Variants in PI4K2B observed in about 807,000 individuals in gnomAD.
PI4K2B encodes phosphatidylinositol 4-kinase type 2-beta.
Under a neutral mutation model 56.6 loss-of-function variants are expected in PI4K2B, and 46 were observed. The observed-to-expected ratio is 0.81, with a 90% confidence interval of 0.64 to 1.04. The LOEUF (loss-of-function observed/expected upper bound fraction) is 1.04. Ranked by LOEUF, PI4K2B falls within the 50% of genes least tolerant of loss-of-function variation. PI4K2B has a pLI of 0.00. For synonymous variants in PI4K2B, 211 were observed against 223.8 expected (o/e 0.94, Z 0.51); for missense variants, 556 against 607.7 (o/e 0.91, Z 0.89).
chr4:25,256,921 G>A (rs995651802), intron 4 of PI4K2B, among the ~76,000 whole-genome samples: 1 of 150,966 alleles, frequency 6.6e-6, no homozygotes, highest in Admixed American at 6.6e-5. Flanking sequence ...TTTCCAGGAA[G>A]AGGTTGCATG....
chr4:25,238,008 C>T (rs1715340231), intron 1 of PI4K2B, among the ~76,000 whole-genome samples: 1 of 152,140 alleles, frequency 6.6e-6, no homozygotes, highest in Admixed American at 6.5e-5. Flanking sequence ...TGTTAGAATT[C>T]ACAAAGAGCT....
intron 1 of PI4K2B, among the ~76,000 whole-genome samples, chr4:25,239,210 G>A (rs187807764): frequency 6.6e-6 from 1 of 152,370 alleles, no homozygotes; most frequent in Non-Finnish European, 1.5e-5. Context: ...GCCACAGGTG[G>A]AGCTGCCTGC....
chr4:25,274,165 C>T (rs994995797), intron 9 of PI4K2B, among the ~76,000 whole-genome samples: 10 of 151,992 alleles, frequency 6.6e-5, no homozygotes, highest in Admixed American at 6.6e-5. Flanking sequence ...TTAAAATCTA[C>T]GAAAAAGTAG....
intron 1 of PI4K2B, among the ~76,000 whole-genome samples, chr4:25,236,105 TCA>T (rs1260219672): frequency 6.6e-6 from 1 of 152,142 alleles, no homozygotes; most frequent in African/African-American, 2.4e-5. Flanking sequence ...CTTACCTGTA[TCA>T]CAGTTTACAA....
intron 7 of PI4K2B, among the ~76,000 whole-genome samples, chr4:25,265,861 A>G (rs919443360): frequency 9.2e-5 from 14 of 152,336 alleles, no homozygotes; most frequent in African/African-American, 3.1e-4. Context: ...GTTGTTAGTC[A>G]TATCATATCC....
chr4:25,268,161 A>G (rs1716735009), intron 7 of PI4K2B, among the ~76,000 whole-genome samples: 1 of 152,186 alleles, frequency 6.6e-6, no homozygotes, highest in Non-Finnish European at 1.5e-5. Flanking sequence ...TGAACTGAGG[A>G]ACCAGATAGA....
At chr4:25,251,826 G>GTTATTA (rs35073171) in intron 1 of PI4K2B, among the ~76,000 whole-genome samples, 8 of 150,506 alleles carry the variant, frequency 5.3e-5, no homozygotes, top group African/African-American at 1.5e-4. Flanking sequence ...TGTTGTTGTT[G>GTTATTA]TTATTATTAT....
Position 25,236,552 on chromosome 4 carries a change from C to CA in PI4K2B, c.268+2131dup, listed in dbSNP as rs528472934. On this transcript the variant is annotated intron_variant, in intron 1 of 9. Coordinates refer to ENST00000264864, the MANE Select transcript of PI4K2B (RefSeq NM_018323.4). Reference sequence around the variant, plus strand: ...TGGGTGACAGAGTGAGACTTTGTCTCAAAAAAAAAATTAATTATTTTCACA... The same window carrying CA: ...TGGGTGACAGAGTGAGACTTTGTCTCAAAAAAAAAAATTAATTATTTTCACA... Among the ~76,000 whole-genome samples the CA allele has an allele frequency of 8.7e-4, 130 of 148,662 alleles. 2 individuals are homozygous for CA. In the South Asian group the frequency reaches 0.021, roughly 24 times the overall value.
At position 25,234,072 on chromosome 4, in the gene PI4K2B, C is replaced by T. The variant is rs1715116659; in HGVS notation, c.-92C>T. 7 of 1,095,998 alleles carry T rather than the reference C, an allele frequency of 6.4e-6. No individual in the cohort carries two copies. The highest frequency in any genetic ancestry group is 8.1e-6 in the Non-Finnish European group (7 of 862,606). 67.9% of individuals were successfully genotyped at this position (1,095,998 alleles called of 1,614,324 possible). On this transcript the variant is annotated 5_prime_UTR_variant, in exon 1 of 10. Coordinates refer to ENST00000264864, the MANE Select transcript of PI4K2B (RefSeq NM_018323.4). ...GCTGGTGAGGTGGCGTCCGTTCTACCCGGTCGCTCCCGTTCCGCGCCATGC... is the reference window on the plus strand; with the variant it reads ...GCTGGTGAGGTGGCGTCCGTTCTACTCGGTCGCTCCCGTTCCGCGCCATGC...
chr4:25,239,143 A>T (rs1293690369), intron 1 of PI4K2B, among the ~76,000 whole-genome samples: 1 of 152,180 alleles, frequency 6.6e-6, no homozygotes, highest in African/African-American at 2.4e-5. Flanking sequence ...AAGGTTCTCT[A>T]AGTCCCCACT....
rs374694979 is a variant in PI4K2B, at chr4:25,277,092, C to T, written c.1351C>T (p.Arg451Cys). Residue 451 changes from arginine to cysteine, a missense_variant, in exon 10 of 10, where the codon CGC becomes TGC. Arg to Cys is a radical substitution (Grantham distance 180, BLOSUM62 -3). Transcript: ENST00000264864. ...ACAGATACCTTGTGTGATTGTGGAA[C>T]GCAGTCAAGGTGGAAGTCAGGGTCG... ...LVQIPCVIVE[R>C]SQGGSQGRIV... The T allele has an allele frequency of 7.4e-6, 12 of 1,613,642 alleles. No homozygotes were observed. The highest frequency in any genetic ancestry group is 2.2e-5 in the East Asian group (1 of 44,878).
intron 9 of PI4K2B, among the ~76,000 whole-genome samples, chr4:25,271,191 A>G (rs1418828263): frequency 1.3e-5 from 2 of 152,226 alleles, no homozygotes; most frequent in African/African-American, 4.8e-5. Context: ...CGAGAAATAG[A>G]ATGGAGCCAG....
At chr4:25,271,070 C>G (rs568667702) in intron 9 of PI4K2B, among the ~76,000 whole-genome samples, 1 of 152,248 alleles carries the variant, frequency 6.6e-6, no homozygotes, top group East Asian at 1.9e-4. Flanking sequence ...GGCCAGGGCT[C>G]GGTGAAAAGG....
At chr4:25,235,734 T>C (rs1445347687) in intron 1 of PI4K2B, among the ~76,000 whole-genome samples, 1 of 152,204 alleles carries the variant, frequency 6.6e-6, no homozygotes, top group Non-Finnish European at 1.5e-5. Context: ...CCTTTTTCTG[T>C]CCCTTACCTT....
At chr4:25,264,201 G>C (rs529945948) in intron 7 of PI4K2B, among the ~76,000 whole-genome samples, 2 of 152,248 alleles carry the variant, frequency 1.3e-5, no homozygotes, top group East Asian at 3.9e-4. Flanking sequence ...ATTTAGGCCT[G>C]CCCTCCACCT....
chr4:25,236,875 A>G (rs531082563), intron 1 of PI4K2B, among the ~76,000 whole-genome samples: 209 of 152,358 alleles, frequency 1.4e-3, no homozygotes, highest in African/African-American at 4.9e-3. Flanking sequence ...AAAAATTTTT[A>G]AAGACTAAAA....
At chr4:25,248,573 G>T (rs1715894347) in intron 1 of PI4K2B, among the ~76,000 whole-genome samples, 1 of 149,430 alleles carries the variant, frequency 6.7e-6, no homozygotes, top group South Asian at 2.2e-4. Context: ...GGACTGCTTG[G>T]TCCAAAAGAG....
chr4:25,260,015 A>C (rs2109017966), intron 5 of PI4K2B, among the ~76,000 whole-genome samples: 1 of 152,340 alleles, frequency 6.6e-6, no homozygotes, highest in East Asian at 1.9e-4. Context: ...TGCATTCTGA[A>C]GTTTGAGAAC....
At chr4:25,243,824 G>A (rs313556) in intron 1 of PI4K2B, among the ~76,000 whole-genome samples, 96,224 of 151,800 alleles carry the variant, frequency 0.63, 32,033 homozygotes, top group Non-Finnish European at 0.74. Flanking sequence ...AACACAGGTC[G>A]ACAGATGTTT....
Sources: allele counts gnomAD v4.1 joint callset (sites outside exome capture counted in the v4.1 genomes callset), GRCh38; gene constraint gnomAD v4.1.1; transcripts MANE v1.5; gene names NCBI Gene and HGNC (gene_info 2026-07-23, HGNC 2026-07-21).